The following RAB40A variants were observed in gnomAD, a reference collection of about 807,000 sequenced individuals.
RAB40A encodes the protein RAB40A, member RAS oncogene family.
For missense variants in RAB40A, 145 were observed against 230.2 expected, an observed-to-expected ratio of 0.63 and a Z score of 2.40; for synonymous variants, 65 against 99.9, an observed-to-expected ratio of 0.65 and a Z score of 2.08.
At chrX:103,495,566 TTTGACA>T (rs1178869995), downstream of RAB40A, among the ~76,000 whole-genome samples, 3 of 112,090 alleles carry the variant, frequency 2.7e-5, no homozygotes, top group African/African-American at 9.7e-5. Context: ...TTTGCTTGTT[TTTGACA>T]TTTTATATAA....
chrX:103,505,555 TAAAAACTAA>T (rs1450778253), intron 2 of RAB40A, among the ~76,000 whole-genome samples: 1 of 111,892 alleles, frequency 8.9e-6, no homozygotes, highest in Non-Finnish European at 1.9e-5. Context: ...TGCATTGTCC[TAAAAACTAA>T]AAACGTTAAG....
intron 2 of RAB40A, among the ~76,000 whole-genome samples, chrX:103,509,789 G>A (rs1262832724): frequency 3.9e-5 from 4 of 102,857 alleles, no homozygotes; most frequent in African/African-American, 1.5e-4. Context: ...TTGTATAAAT[G>A]TATTAACATA....
At chrX:103,504,170 G>A (rs1190762250) in intron 2 of RAB40A, among the ~76,000 whole-genome samples, 1 of 111,027 alleles carries the variant, frequency 9.0e-6, no homozygotes, top group Non-Finnish European at 1.9e-5. Flanking sequence ...ACAAACCCTG[G>A]GGCCTACTGG....
intron 2 of RAB40A, among the ~76,000 whole-genome samples, chrX:103,504,098 C>A (rs2073242530): frequency 9.0e-6 from 1 of 111,581 alleles, no homozygotes; most frequent in African/African-American, 3.3e-5. Context: ...CCAAATACCA[C>A]ATGTTTTCAC....
At chrX:103,495,034 C>G (rs188713470), downstream of RAB40A, among the ~76,000 whole-genome samples, 148 of 111,801 alleles carry the variant, frequency 1.3e-3, 1 homozygote, top group Middle Eastern at 0.033. Context: ...ATTGATTCTT[C>G]CAATCAATGA....
intron 2 of RAB40A, among the ~76,000 whole-genome samples, chrX:103,508,525 C>A (rs921254125): frequency 8.9e-6 from 1 of 111,924 alleles, no homozygotes; most frequent in Non-Finnish European, 1.9e-5. Flanking sequence ...TGGAACACAG[C>A]AGTAGGGGCT....
At chrX:103,508,807 C>T (rs1358470716) in intron 2 of RAB40A, among the ~76,000 whole-genome samples, 3 of 111,985 alleles carry the variant, frequency 2.7e-5, no homozygotes, top group Non-Finnish European at 5.6e-5. Flanking sequence ...CATGCCAGAT[C>T]GCATCCGGGA....
In RAB40A at chrX:103,499,781, C is replaced by T; in HGVS notation, c.*142G>A. The T allele has an allele frequency of 6.2e-6, 4 of 645,707 alleles. No homozygotes were observed. The highest frequency in any genetic ancestry group is 7.4e-6 in the Non-Finnish European group (3 of 405,945). 53.2% of individuals were successfully genotyped at this position (645,707 alleles called of 1,213,427 possible). A position where few individuals can be genotyped will look rare whatever the true frequency, so the allele number is the denominator to read the frequency against. Reference sequence around the variant, plus strand: ...GTAATGTGTTTTTATTGACAGAAGGCATCACACACATTCCCAAGCAGCATG... The same window carrying T: ...GTAATGTGTTTTTATTGACAGAAGGTATCACACACATTCCCAAGCAGCATG... On this transcript the variant is annotated 3_prime_UTR_variant, in exon 3 of 3. Transcript: ENST00000304236.
intron 2 of RAB40A, chrX:103,502,290 T>C (rs748045018): frequency 2.4e-5 from 3 of 122,573 alleles, no homozygotes; most frequent in Non-Finnish European, 5.7e-5. Context: ...TAGCTGACAA[T>C]AAGGAGATAA....
chrX:103,508,315 C>CT (rs2073267804), intron 2 of RAB40A, among the ~76,000 whole-genome samples: 1 of 111,613 alleles, frequency 9.0e-6, no homozygotes, highest in African/African-American at 3.3e-5. Flanking sequence ...CTCAGGGTCT[C>CT]CTAGGGAGGG....
chrX:103,503,495 GA>G (rs1286008689), intron 2 of RAB40A: 3 of 751,807 alleles, frequency 4.0e-6, no homozygotes, highest in Non-Finnish European at 4.7e-6. Context: ...ACAGCCAATG[GA>G]CCAGCTTTAA....
chrX:103,495,781 T>C (rs1000473719), downstream of RAB40A, among the ~76,000 whole-genome samples: 2 of 112,142 alleles, frequency 1.8e-5, no homozygotes, highest in Non-Finnish European at 3.8e-5. Flanking sequence ...CCTGTATACA[T>C]TCAGGTACAA....
At chrX:103,494,222 T>G (rs1364962304), downstream of RAB40A, among the ~76,000 whole-genome samples, 1 of 112,326 alleles carries the variant, frequency 8.9e-6, no homozygotes, top group Non-Finnish European at 1.9e-5. Flanking sequence ...TGTCTGCCAT[T>G]TGTATGTCTT....
At chrX:103,513,050 TACATG>T (rs1394741701) in intron 2 of RAB40A, among the ~76,000 whole-genome samples, 1 of 111,632 alleles carries the variant, frequency 9.0e-6, no homozygotes, top group African/African-American at 3.3e-5. Flanking sequence ...TGAATCTATA[TACATG>T]ACATCCCCAG....
At chrX:103,511,766 A>G (rs1217341148) in intron 2 of RAB40A, among the ~76,000 whole-genome samples, 4 of 111,259 alleles carry the variant, frequency 3.6e-5, no homozygotes, top group African/African-American at 1.3e-4. Context: ...TGATGGGTGC[A>G]GCAAACCACC....
intron 2 of RAB40A, among the ~76,000 whole-genome samples, chrX:103,517,083 C>A (rs2073320560): frequency 9.0e-6 from 1 of 111,628 alleles, no homozygotes; most frequent in African/African-American, 3.3e-5. Flanking sequence ...ACCACTCTGT[C>A]CAAAACTTAT....
chrX:103,514,185 CAGAT>C (rs1161076470), intron 2 of RAB40A, among the ~76,000 whole-genome samples: 1 of 111,248 alleles, frequency 9.0e-6, no homozygotes, highest in African/African-American at 3.3e-5. Flanking sequence ...TCCTTTCCGT[CAGAT>C]AGCCAGACAA....
intron 2 of RAB40A, among the ~76,000 whole-genome samples, chrX:103,511,697 G>C (rs1379824215): frequency 9.1e-6 from 1 of 109,923 alleles, no homozygotes; most frequent in African/African-American, 3.3e-5. Context: ...GGGCCTGTTA[G>C]GGGGTGGGGG....
At chrX:103,512,663 T>C in intron 2 of RAB40A, among the ~76,000 whole-genome samples, 1 of 112,084 alleles carries the variant, frequency 8.9e-6, no homozygotes, top group Non-Finnish European at 1.9e-5. Context: ...ATGTGGATTT[T>C]AATTTGTTAG....
Sources: allele counts gnomAD v4.1 joint callset (sites outside exome capture counted in the v4.1 genomes callset), GRCh38; gene constraint gnomAD v4.1.1; transcripts MANE v1.5; gene names NCBI Gene and HGNC (gene_info 2026-07-23, HGNC 2026-07-21).